The following PMPCB variants were observed in gnomAD, a reference collection of about 807,000 sequenced individuals.
PMPCB encodes peptidase, mitochondrial processing subunit beta.
PMPCB carries 46 observed loss-of-function variants against 61.5 expected under a neutral mutation model. That is an observed-to-expected ratio of 0.75 (90% CI 0.59 to 0.96). The LOEUF is 0.96. PMPCB is among the 40% of genes least tolerant of loss of function. The pLI is 0.00. For synonymous variants in PMPCB, 191 were observed against 201.6 expected (o/e 0.95, Z 0.44); for missense variants, 590 against 602.4 (o/e 0.98, Z 0.22).
At position 103,313,302 on chromosome 7, in the gene PMPCB, TAAAATCTC is replaced by T. The variant is rs1817862314; in HGVS notation, c.*1035_*1042del. The T allele has an allele frequency of 7.6e-7, 1 of 1,323,560 alleles. No individual in the cohort carries two copies. The highest frequency in any genetic ancestry group is 1.5e-5 in the African/African-American group (1 of 65,944). 82.0% of individuals were successfully genotyped at this position (1,323,560 alleles called of 1,614,324 possible). A position where few individuals can be genotyped will look rare whatever the true frequency, so the allele number is the denominator to read the frequency against. ...TTCAGATAGCTCACATCCCAGAAAA[TAAAATCTC>T]AAAGGCTTTTAAAACACAATAGTAA... On this transcript the variant is annotated 3_prime_UTR_variant, in exon 13 of 13. Transcript: ENST00000249269.
At chr7:103,311,930 TA>T (rs1563450685) in intron 11 of PMPCB, 34 bp downstream of exon 11, 3 of 1,531,130 alleles carry the variant, frequency 2.0e-6, no homozygotes, top group Middle Eastern at 1.7e-4. Context: ...GGGTCATGTG[TA>T]AAAAGATCCT....
In PMPCB at chr7:103,297,758, G is replaced by C. The variant is rs751006491; in HGVS notation, c.99+200G>C. 13 of 1,533,330 alleles carry C rather than the reference G, an allele frequency of 8.5e-6. No individual in the cohort carries two copies. In the South Asian group the frequency reaches 1.6e-4, roughly 18 times the overall value. The allele number at this position is 1,533,330 out of a possible 1,614,324, so 95.0% of individuals were successfully genotyped here. ...TGGCCACCCGCCAGGAGACCTGCTA[G>C]TGACGTGTGGGATGACCCTGGTTTT... is the stretch of plus-strand genomic sequence containing the variant. On this transcript the variant is annotated intron_variant, in intron 1 of 12. Coordinates refer to ENST00000249269, the MANE Select transcript of PMPCB (RefSeq NM_004279.3).
chr7:103,341,896 C>T, the PMPCB span: 2 of 1,612,730 alleles, frequency 1.2e-6, no homozygotes, highest in South Asian at 1.1e-5. Context: ...TTCTGTTTCT[C>T]CTCTTAACAA....
chr7:103,347,381 G>C, the PMPCB span: 1 of 191,622 alleles, frequency 5.2e-6, no homozygotes. Context: ...GTTTTCTTGT[G>C]TGGTAGGAGT....
the PMPCB span, among the ~76,000 whole-genome samples, chr7:103,334,553 A>C: frequency 3.3e-5 from 5 of 151,358 alleles, no homozygotes; most frequent in Non-Finnish European, 4.4e-5. Flanking sequence ...TCCACCCTGG[A>C]TAACAGTTAG....
At chr7:103,323,681 A>G in intron 12 of PMPCB, 1 of 1,386,834 alleles carries the variant, frequency 7.2e-7, no homozygotes, top group Middle Eastern at 1.8e-4. Flanking sequence ...AGACAGAAAT[A>G]ATACATGATC....
At chr7:103,302,996 T>G (rs1038028717) in intron 4 of PMPCB, among the ~76,000 whole-genome samples, 1 of 152,240 alleles carries the variant, frequency 6.6e-6, no homozygotes, top group Non-Finnish European at 1.5e-5. Flanking sequence ...CACAGTTTTT[T>G]TTTTGGAGAG....
At chr7:103,332,780 T>C (rs1489188036), downstream of PMPCB, among the ~76,000 whole-genome samples, 11 of 152,022 alleles carry the variant, frequency 7.2e-5, no homozygotes, top group Non-Finnish European at 1.5e-5. Context: ...CGCACCACTA[T>C]GCCCAGCTAA....
rs1217205787 is a variant in PMPCB, at chr7:103,313,381, C to T, written c.*1110C>T. ...ATCTCTTAAAAATCAATGTAATACA[C>T]TCACCAGACTGGTAAAAAGCCATAT... On this transcript the variant is annotated 3_prime_UTR_variant, in exon 13 of 13. Coordinates refer to ENST00000249269, the MANE Select transcript of PMPCB (RefSeq NM_004279.3). The T allele has an allele frequency of 5.2e-5, 58 of 1,105,254 alleles. No individual in the cohort carries two copies. The highest frequency in any genetic ancestry group is 6.1e-5 in the Non-Finnish European group (55 of 909,028). The allele number at this position is 1,105,254 out of a possible 1,614,324, so 68.5% of individuals were successfully genotyped here. A position where few individuals can be genotyped will look rare whatever the true frequency, so the allele number is the denominator to read the frequency against.
rs371650194 is a variant in PMPCB at position 103,312,517 on chromosome 7, T to C, written c.*246T>C. The C allele has an allele frequency of 7.0e-5, 111 of 1,585,274 alleles. No homozygotes were observed. The highest frequency in any genetic ancestry group is 8.2e-5 in the Non-Finnish European group (96 of 1,170,118). On this transcript the variant is annotated 3_prime_UTR_variant, in exon 13 of 13. Coordinates refer to ENST00000249269, the MANE Select transcript of PMPCB (RefSeq NM_004279.3). ...ATGAGTATAATTTTAAGAATGAAAA[T>C]GTTTACAGTATTTTCAGTTTTATTA... is the stretch of plus-strand genomic sequence containing the variant.
chr7:103,307,053 C>A (rs1817611732), intron 6 of PMPCB, among the ~76,000 whole-genome samples: 1 of 152,022 alleles, frequency 6.6e-6, no homozygotes, highest in Admixed American at 6.6e-5. Flanking sequence ...GCCATGGCAC[C>A]CGGCTTTTAA....
chr7:103,337,829 A>G, the PMPCB span: 3 of 1,599,364 alleles, frequency 1.9e-6, no homozygotes, highest in Non-Finnish European at 2.6e-6. Context: ...AAAAACACAA[A>G]AGGGAGTCAA....
chr7:103,337,694 T>A, the PMPCB span: 5 of 1,470,084 alleles, frequency 3.4e-6, no homozygotes, highest in East Asian at 1.1e-4. Flanking sequence ...AGCCTGTTCC[T>A]ATACAAGATA....
chr7:103,300,279 C>A lies in PMPCB; in HGVS notation c.429C>A (p.Ala143=). Residue 143 remains alanine (A), a synonymous_variant, in exon 4 of 13, where the codon GCC becomes GCA. Coordinates refer to ENST00000249269, the MANE Select transcript of PMPCB (RefSeq NM_004279.3). ...CCAGAGAGCAGACTGTATACTATGC[C>A]AAAGCATTCTCTAAAGACTTGCCAA... The part of the protein sequence containing the change: ...YTSREQTVYY[A]KAFSKDLPRA... 1 of 1,607,922 alleles carries A rather than the reference C, an allele frequency of 6.2e-7. No individual in the cohort carries two copies. Among genetic ancestry groups the A allele is most frequent in the Non-Finnish European group, 8.5e-7 (1 of 1,176,558 alleles).
intron 3 of PMPCB, 104 bp from the exon 4 acceptor site, chr7:103,300,074 C>A: frequency 2.8e-6 from 3 of 1,069,774 alleles, no homozygotes; most frequent in Non-Finnish European, 4.0e-6. Context: ...CCAAATTTGA[C>A]CCTGCATGAA....
intron 12 of PMPCB, chr7:103,322,079 T>C: frequency 6.3e-7 from 1 of 1,599,312 alleles, no homozygotes; most frequent in Non-Finnish European, 8.5e-7. Flanking sequence ...CAGCTTGTCT[T>C]TGCTTTAAAA....
At chr7:103,329,217 G>T in exon 13 of PMPCB, 1 of 247,702 alleles carries the variant, frequency 4.0e-6, no homozygotes, top group Non-Finnish European at 7.9e-6. Flanking sequence ...CATGTGCCAG[G>T]CCTGTTTACC....
intron 12 of PMPCB, among the ~76,000 whole-genome samples, chr7:103,324,044 C>T (rs1376744902): frequency 1.3e-5 from 2 of 152,078 alleles, no homozygotes; most frequent in Non-Finnish European, 1.5e-5. Context: ...AGAACTAAAT[C>T]TTGTTATTTT....
At chr7:103,297,636 A>G in intron 1 of PMPCB, 78 bp downstream of exon 1, 1 of 1,588,208 alleles carries the variant, frequency 6.3e-7, no homozygotes. Flanking sequence ...TCGGCGCCAC[A>G]GATCCGAACA....
Sources: allele counts gnomAD v4.1 joint callset (sites outside exome capture counted in the v4.1 genomes callset), GRCh38; gene constraint gnomAD v4.1.1; transcripts MANE v1.5; gene names NCBI Gene and HGNC (gene_info 2026-07-23, HGNC 2026-07-21).